The following LRRC37A2 variants were observed in gnomAD, a reference collection of about 807,000 sequenced individuals.
The protein encoded by LRRC37A2 is leucine rich repeat containing 37 member A2.
In LRRC37A2, 9 loss-of-function variants were observed where a neutral mutation model predicts 68.8. That is an observed-to-expected ratio of 0.13 (90% CI 0.08 to 0.23). The LOEUF is 0.23. Among genes scored for constraint, LRRC37A2 ranks in the 10% least tolerant of loss-of-function variants. LRRC37A2 has a pLI of 1.00. For synonymous variants in LRRC37A2, 63 were observed against 367.6 expected, an observed-to-expected ratio of 0.17 and a Z score of 9.48; for missense variants, 168 against 950.4, an observed-to-expected ratio of 0.18 and a Z score of 10.82.
the LRRC37A2 span, chr17:46,885,308 CA>C: frequency 4.7e-6 from 1 of 214,746 alleles, no homozygotes; most frequent in Non-Finnish European, 8.9e-6. Context: ...GCCTGGCCAG[CA>C]TTTTTTTTTT....
chr17:46,968,290 T>C, the LRRC37A2 span, among the ~76,000 whole-genome samples: 1 of 152,314 alleles, frequency 6.6e-6, no homozygotes, highest in African/African-American at 2.4e-5. Context: ...CTCCGCACTG[T>C]GGACACCCCT....
chr17:46,924,518 T>G, the LRRC37A2 span: 1 of 152,218 alleles, frequency 6.6e-6, no homozygotes, highest in Admixed American at 6.5e-5. Context: ...GTAGTTTTGT[T>G]GATTAAAACA....
At chr17:46,872,806 G>T in the LRRC37A2 span, 3 of 1,477,074 alleles carry the variant, frequency 2.0e-6, no homozygotes, top group South Asian at 1.2e-5. Flanking sequence ...GGGGAGGGCT[G>T]GGGGAAGAAG....
chr17:46,687,109 A>T, the LRRC37A2 span, among the ~76,000 whole-genome samples: 1 of 37,394 alleles, frequency 2.7e-5, no homozygotes, highest in Non-Finnish European at 5.2e-5. Flanking sequence ...TTCATCTTTC[A>T]TCTTTGTCAT....
At chr17:46,899,286 C>T in the LRRC37A2 span, among the ~76,000 whole-genome samples, 48 of 152,064 alleles carry the variant, frequency 3.2e-4, 1 homozygote, top group South Asian at 9.8e-3. Flanking sequence ...TGCCTGTGGT[C>T]CCAGATACTT....
chr17:46,882,144 A>C, the LRRC37A2 span, among the ~76,000 whole-genome samples: 148 of 152,320 alleles, frequency 9.7e-4, 1 homozygote, highest in African/African-American at 3.5e-3. Context: ...CGACAGAGTG[A>C]GACCCTGTCT....
chr17:47,003,739 A>G, the LRRC37A2 span, among the ~76,000 whole-genome samples: 2 of 150,314 alleles, frequency 1.3e-5, no homozygotes, highest in Non-Finnish European at 3.0e-5. Flanking sequence ...TTTTTATTAT[A>G]CTTTAAGTTC....
At chr17:46,790,284 C>T in the LRRC37A2 span, among the ~76,000 whole-genome samples, 1 of 152,178 alleles carries the variant, frequency 6.6e-6, no homozygotes, top group Admixed American at 6.5e-5. Flanking sequence ...TACAGACCCA[C>T]GCAGGACTTC....
At chr17:46,730,351 G>A in the LRRC37A2 span, among the ~76,000 whole-genome samples, 1 of 152,004 alleles carries the variant, frequency 6.6e-6, no homozygotes, top group Non-Finnish European at 1.5e-5. Context: ...AAGTCACTTG[G>A]GAGAAGGAAG....
chr17:46,715,892 T>C, the LRRC37A2 span, among the ~76,000 whole-genome samples: 13 of 152,220 alleles, frequency 8.5e-5, no homozygotes, highest in African/African-American at 2.2e-4. Flanking sequence ...ATTGTTTTAA[T>C]TCATGATTCA....
chr17:46,737,006 CG>C, the LRRC37A2 span, among the ~76,000 whole-genome samples: 1 of 152,110 alleles, frequency 6.6e-6, no homozygotes, highest in East Asian at 1.9e-4. Context: ...GAAAGGAGAT[CG>C]GAAGTTTCTT....
the LRRC37A2 span, among the ~76,000 whole-genome samples, chr17:46,794,660 G>A: frequency 6.6e-5 from 10 of 152,024 alleles, no homozygotes; most frequent in African/African-American, 2.2e-4. Flanking sequence ...GTCTATAGAT[G>A]CCTGGGAATT....
chr17:46,797,125 T>C, the LRRC37A2 span, among the ~76,000 whole-genome samples: 5 of 152,188 alleles, frequency 3.3e-5, no homozygotes, highest in African/African-American at 1.2e-4. Context: ...AATGAGCTGC[T>C]AATATTCAAA....
the LRRC37A2 span, among the ~76,000 whole-genome samples, chr17:46,820,550 A>C: frequency 6.6e-6 from 1 of 150,940 alleles, no homozygotes; most frequent in Non-Finnish European, 1.5e-5. Context: ...GGAGTGGTGA[A>C]CCTGGTGGGG....
At chr17:46,906,918 C>T in the LRRC37A2 span, among the ~76,000 whole-genome samples, 1 of 152,154 alleles carries the variant, frequency 6.6e-6, no homozygotes, top group Non-Finnish European at 1.5e-5. Context: ...CTACCTGGAG[C>T]TCACTAACCA....
At chr17:46,811,651 C>T in the LRRC37A2 span, among the ~76,000 whole-genome samples, 1 of 152,168 alleles carries the variant, frequency 6.6e-6, no homozygotes, top group Non-Finnish European at 1.5e-5. Context: ...GGAGTTGCCT[C>T]TCAGAAGATT....
At chr17:46,758,001 GA>G in the LRRC37A2 span, among the ~76,000 whole-genome samples, 480 of 137,612 alleles carry the variant, frequency 3.5e-3, 2 homozygotes, top group African/African-American at 0.011. Flanking sequence ...CTCAGAAAAA[GA>G]AAAAAAAAAA....
At chr17:46,940,122 CTT>C in the LRRC37A2 span, 1 of 1,229,754 alleles carries the variant, frequency 8.1e-7, no homozygotes, top group Non-Finnish European at 1.0e-6. Flanking sequence ...CTTCACCTCT[CTT>C]GTTCCCCTCC....
chr17:46,773,623 T>TGGGG, the LRRC37A2 span: 1 of 383,492 alleles, frequency 2.6e-6, no homozygotes, highest in Non-Finnish European at 5.2e-6. Context: ...TCCTGATCCC[T>TGGGG]CCCCCCACCC....
Sources: gnomAD v4.1 joint callset for allele counts (sites outside exome capture counted in the v4.1 genomes callset) on GRCh38, gnomAD v4.1.1 for gene constraint, MANE v1.5 for transcripts, NCBI Gene and HGNC (gene_info 2026-07-23, HGNC 2026-07-21) for gene names.